Variants in CERS4 observed in about 807,000 individuals in gnomAD.
CERS4 encodes the protein LAG1 homolog, ceramide synthase 4.
A neutral mutation model predicts 51.8 loss-of-function variants in CERS4; 65 were observed. The observed-to-expected ratio is 1.26, with a 90% CI of 1.03 to 1.54. The LOEUF is 1.54. Ranked by LOEUF, CERS4 falls within the 40% of genes most tolerant of loss-of-function variation. The pLI, the probability that CERS4 is intolerant of heterozygous loss-of-function variation, is 0.00. For synonymous variants in CERS4, 228 were observed against 208.4 expected, an observed-to-expected ratio of 1.09 and a Z score of -0.81; for missense variants, 563 against 500.4, an observed-to-expected ratio of 1.13 and a Z score of -1.19.
chr19:8,258,482 G>A (rs1002480717), intron 10 of CERS4, among the ~76,000 whole-genome samples: 1 of 151,594 alleles, frequency 6.6e-6, no homozygotes, highest in South Asian at 2.1e-4. Flanking sequence ...GCTGAGGCGG[G>A]CGGGTCACTT....
intron 2 of CERS4, among the ~76,000 whole-genome samples, chr19:8,239,888 C>T (rs1968451637): frequency 6.6e-6 from 1 of 152,172 alleles, no homozygotes; most frequent in South Asian, 2.1e-4. Flanking sequence ...GTCTGAGGCT[C>T]TGAGGATACA....
intron 2 of CERS4, among the ~76,000 whole-genome samples, chr19:8,227,622 A>G (rs1967842301): frequency 2.0e-5 from 3 of 151,900 alleles, no homozygotes; most frequent in African/African-American, 7.3e-5. Context: ...GCTTACAGGC[A>G]TGAGTCACTG....
In CERS4 at chr19:8,254,577, G is replaced by A. The variant is rs760338191; in HGVS notation, c.252G>A (p.Leu84=). 13 of 1,613,000 alleles carry A rather than the reference G, an allele frequency of 8.1e-6. No individual in the cohort carries two copies. The highest frequency in any genetic ancestry group is 6.7e-5 in the Admixed American group (4 of 59,916). ...GGCAAGTGAAGCCCAACGCCACGCT[G>A]GAGAAACACTTCCTCACGGAAGGGC... ...TRRQVKPNAT[L]EKHFLTEGHR... Residue 84 remains leucine, a synonymous_variant, in exon 4 of 12, where the codon CTG becomes CTA. Coordinates refer to ENST00000251363, the MANE Select transcript of CERS4 (RefSeq NM_024552.3).
intron 7 of CERS4, 55 bp downstream of exon 7, chr19:8,256,341 G>A: frequency 8.2e-6 from 13 of 1,592,954 alleles, no homozygotes; most frequent in Non-Finnish European, 1.1e-5. Flanking sequence ...GATCACAGTT[G>A]CTGCAGCCAT....
At chr19:8,248,173 C>T (rs1303228729) in intron 2 of CERS4, among the ~76,000 whole-genome samples, 2 of 152,158 alleles carry the variant, frequency 1.3e-5, no homozygotes, top group Admixed American at 6.6e-5. Context: ...AATCTGTTTA[C>T]TTGTTTATTG....
intron 2 of CERS4, among the ~76,000 whole-genome samples, chr19:8,233,172 AT>A (rs201416874): frequency 6.7e-6 from 1 of 150,296 alleles, no homozygotes; most frequent in East Asian, 1.9e-4. Flanking sequence ...CACTCGGCTA[AT>A]TTTTTTTTGG....
At chr19:8,259,507 T>G (rs1418931801) in intron 10 of CERS4, among the ~76,000 whole-genome samples, 6 of 152,030 alleles carry the variant, frequency 3.9e-5, no homozygotes, top group Non-Finnish European at 7.4e-5. Context: ...AGGGATTCAA[T>G]CTGACCTAGG....
chr19:8,250,120 G>A (rs1406965504), intron 2 of CERS4, among the ~76,000 whole-genome samples: 22 of 151,174 alleles, frequency 1.5e-4, no homozygotes, highest in Middle Eastern at 3.5e-3. Flanking sequence ...GATTATAGGC[G>A]CCTGCCACCA....
At chr19:8,214,939 G>A (rs1967229086) in intron 2 of CERS4, among the ~76,000 whole-genome samples, 1 of 147,446 alleles carries the variant, frequency 6.8e-6, no homozygotes, top group African/African-American at 2.5e-5. Context: ...GGAGGAAGAC[G>A]AGGGGGAGGA....
chr19:8,250,469 G>C (rs1050122306), intron 2 of CERS4: 3 of 151,932 alleles, frequency 2.0e-5, no homozygotes, highest in African/African-American at 7.3e-5. Context: ...GTTTTGTTTT[G>C]TTTTTGAGAT....
intron 4 of CERS4, 85 bp from the exon 5 acceptor site, chr19:8,255,522 A>G (rs1969328247): frequency 3.4e-6 from 4 of 1,175,856 alleles, no homozygotes; most frequent in Non-Finnish European, 3.7e-6. Context: ...TGCAGTGGAG[A>G]GGGCAGAGCC....
At chr19:8,256,037 G>A (rs1196249004) in intron 6 of CERS4, 158 bp downstream of exon 6, 2 of 953,870 alleles carry the variant, frequency 2.1e-6, no homozygotes, top group Non-Finnish European at 3.2e-6. Flanking sequence ...CACTCAACAG[G>A]TATTTGGATT....
intron 2 of CERS4, among the ~76,000 whole-genome samples, chr19:8,235,427 T>C (rs1460557166): frequency 2.6e-5 from 4 of 151,394 alleles, no homozygotes; most frequent in South Asian, 2.1e-4. Context: ...TGCTTTTTTT[T>C]CCCCATTTGC....
intron 2 of CERS4, among the ~76,000 whole-genome samples, chr19:8,244,239 C>G (rs765072725): frequency 5.3e-5 from 8 of 152,124 alleles, no homozygotes; most frequent in Non-Finnish European, 7.3e-5. Context: ...GCCTGTAGTC[C>G]CAGCTACTCG....
At position 8,262,200 on chromosome 19, in the gene CERS4, T is replaced by TGGAGACAGGGAGGGCCCCACCCGGGGTG; in HGVS notation, c.*94_*121dup. ...GACTGGCGCCCCTGGGCCACCTTTC[T>TGGAGACAGGGAGGGCCCCACCCGGGGTG]GGAGACAGGGAGGGCCCCACCCGGG... On this transcript the variant is annotated 3_prime_UTR_variant, in exon 12 of 12. Transcript: ENST00000251363. 1 of 1,340,082 alleles carries TGGAGACAGGGAGGGCCCCACCCGGGGTG rather than the reference T, an allele frequency of 7.5e-7. No individual in the cohort carries two copies. Among genetic ancestry groups the TGGAGACAGGGAGGGCCCCACCCGGGGTG allele is most frequent in the Non-Finnish European group, 9.6e-7 (1 of 1,039,642 alleles). The allele number at this position is 1,340,082 out of a possible 1,614,324, so 83.0% of individuals were successfully genotyped here.
At position 8,218,264 on chromosome 19, in the gene CERS4, C is replaced by A. The variant is rs145962954; in HGVS notation, c.-2+7402C>A. On this transcript the variant is annotated intron_variant, in intron 2 of 11. Coordinates refer to ENST00000251363, the MANE Select transcript of CERS4 (RefSeq NM_024552.3). ...ACAGGTATGAGCCACTGTGCATGAC[C>A]AAGGAGAGGCTCTTGACCCAGGCTG... 1.9e-3 allele frequency among the ~76,000 whole-genome samples: 290 copies of A among 152,320 alleles called. 1 individual carries two copies. The highest frequency in any genetic ancestry group is 6.7e-3 in the African/African-American group (279 of 41,576).
intron 2 of CERS4, among the ~76,000 whole-genome samples, chr19:8,249,371 G>A (rs992934525): frequency 6.6e-6 from 1 of 152,090 alleles, no homozygotes; most frequent in Admixed American, 6.6e-5. Context: ...AAGATCTCAG[G>A]GAAGGGAGCA....
rs376264995 is a variant in CERS4, at chr19:8,256,170, A to G, written c.469-66A>G. The G allele has an allele frequency of 3.3e-6, 5 of 1,511,140 alleles. No individual in the cohort carries two copies. In the African/African-American group the frequency reaches 6.9e-5, roughly 21 times the overall value. The allele number at this position is 1,511,140 out of a possible 1,614,324, so 93.6% of individuals were successfully genotyped here. A position where few individuals can be genotyped will look rare whatever the true frequency, so the allele number is the denominator to read the frequency against. On this transcript the variant is annotated intron_variant, in intron 6 of 11. Coordinates refer to ENST00000251363, the MANE Select transcript of CERS4 (RefSeq NM_024552.3). ...TGACTGTGGAAGGAGAACCAAAGAG[A>G]CCGCAGACCCAGGGTGGGAGGTTGG...
chr19:8,257,415 CAT>C (rs1337860383), intron 9 of CERS4, among the ~76,000 whole-genome samples: 14 of 150,902 alleles, frequency 9.3e-5, no homozygotes, highest in African/African-American at 2.9e-4. Context: ...AAGCTACACA[CAT>C]GTGCACACAC....
Sources: allele counts gnomAD v4.1 joint callset (sites outside exome capture counted in the v4.1 genomes callset), GRCh38; gene constraint gnomAD v4.1.1; transcripts MANE v1.5; gene names NCBI Gene and HGNC (gene_info 2026-07-23, HGNC 2026-07-21).